EVC2: variants seen among roughly 807,000 people sequenced by gnomAD.
The protein encoded by EVC2 is EvC ciliary complex subunit 2.
A neutral mutation model predicts 149.3 loss-of-function variants in EVC2; 148 were observed. The observed-to-expected ratio is 0.99, with a 90% CI of 0.87 to 1.14. EVC2 has a LOEUF of 1.14. Ranked by LOEUF, EVC2 falls within the 50% of genes most tolerant of loss-of-function variation. EVC2 has a pLI of 0.00. For synonymous variants in EVC2, 776 were observed against 649.9 expected (o/e 1.19, Z -2.95); for missense variants, 1,854 against 1,627.3 (o/e 1.14, Z -2.40).
chr4:5,582,494 G>A (rs1380802644), intron 17 of EVC2, among the ~76,000 whole-genome samples: 1 of 152,168 alleles, frequency 6.6e-6, no homozygotes, highest in Non-Finnish European at 1.5e-5. Context: ...TTTACCCAGT[G>A]CCTATAACTC....
At chr4:5,535,686 T>C in the EVC2 span, among the ~76,000 whole-genome samples, 12 of 151,476 alleles carry the variant, frequency 7.9e-5, no homozygotes, top group East Asian at 1.2e-3. This position sits in a 1 kb window ranked among gnomAD's most constrained non-coding sequence, Gnocchi z 4.7. Flanking sequence ...AATCCCACCA[T>C]GGGGGCCCCA....
At position 5,633,921 on chromosome 4, in the gene EVC2, C is replaced by T. The variant is rs919695923; in HGVS notation, c.1471-1889G>A. ...TGACATGCTGATCTCTAGCTTTCTC[C>T]GTCTCTCCAGTCCCTTTTACTTATT... On this transcript the variant is annotated intron_variant, in intron 10 of 21. Transcript: ENST00000344408. This position sits in a 1 kb window ranked among gnomAD's most constrained non-coding sequence, Gnocchi z 4.4. Among the ~76,000 whole-genome samples, 3 of 152,332 alleles carry T rather than the reference C, an allele frequency of 2.0e-5. No individual in the cohort carries two copies. Among genetic ancestry groups the T allele is most frequent in the South Asian group, 2.1e-4 (1 of 4,822 alleles).
In EVC2 at chr4:5,632,001, G is replaced by A. The variant is rs1209098952; in HGVS notation, c.1502C>T (p.Thr501Ile). 6.2e-6 allele frequency: 10 copies of A among 1,614,082 alleles called. No individual in the cohort carries two copies. Among genetic ancestry groups the A allele is most frequent in the Non-Finnish European group, 8.5e-6 (10 of 1,180,046 alleles). ...SAVECSNLLR[T>I]LHGLEQEHLR... ...GTGCTCCTGTTCCAGGCCATGGAGG[G>A]TCCGCAGAAGGTTGCTGCACTCTAC... Residue 501 changes from threonine (T) to isoleucine (I), a missense_variant, in exon 11 of 22, where the codon ACC becomes ATC. Coordinates refer to ENST00000344408, the MANE Select transcript of EVC2 (RefSeq NM_147127.5).
chr4:5,566,718 G>C (rs6446375), intron 20 of EVC2, among the ~76,000 whole-genome samples: 141,729 of 152,098 alleles, frequency 0.93, 66,452 homozygotes, highest in Non-Finnish European at 0.99. Context: ...ACATTGACCT[G>C]AAGCCCTCTT....
At chr4:5,574,400 C>G (rs1722798065) in intron 19 of EVC2, among the ~76,000 whole-genome samples, 1 of 152,190 alleles carries the variant, frequency 6.6e-6, no homozygotes, top group South Asian at 2.1e-4. Flanking sequence ...GTATATTAAA[C>G]TTAGTTAAAG....
intron 9 of EVC2, among the ~76,000 whole-genome samples, chr4:5,648,105 T>A (rs1717858042): frequency 6.6e-6 from 1 of 152,214 alleles, no homozygotes; most frequent in African/African-American, 2.4e-5. Context: ...TGTGCAAAGA[T>A]CTAATCAGGT....
intron 17 of EVC2, among the ~76,000 whole-genome samples, chr4:5,581,320 G>A (rs183684017): frequency 2.0e-4 from 30 of 152,210 alleles, no homozygotes; most frequent in Middle Eastern, 3.4e-3. Context: ...AAAGATGAGG[G>A]AAAGTTTGGA....
upstream of EVC2, chr4:5,708,636 A>T: frequency 1.5e-6 from 1 of 658,532 alleles, no homozygotes; most frequent in Non-Finnish European, 2.3e-6. Context: ...GTTTTCTGGA[A>T]CAAACACCCG....
chr4:5,617,995 C>T (rs2108832373), intron 15 of EVC2, among the ~76,000 whole-genome samples: 1 of 152,276 alleles, frequency 6.6e-6, no homozygotes, highest in South Asian at 2.1e-4. Context: ...AATAGCTGCT[C>T]ATTAAAAGGC....
At position 5,625,613 on chromosome 4, in the gene EVC2, A is replaced by G; in HGVS notation, c.2046+136T>C. 8.9e-7 allele frequency: 1 copy of G among 1,125,792 alleles called. No homozygotes were observed. 69.7% of individuals were successfully genotyped at this position (1,125,792 alleles called of 1,614,324 possible). On this transcript the variant is annotated intron_variant, in intron 13 of 21. Coordinates refer to ENST00000344408, the MANE Select transcript of EVC2 (RefSeq NM_147127.5). The surrounding 1 kb of genome is among the most constrained non-coding windows in gnomAD (Gnocchi z 4.0). ...AAAAGTCGCTACCAATCAACAGTAG[A>G]TGGCACATCATGGTGCCTGCCCAGC... is the stretch of plus-strand genomic sequence containing the variant.
the EVC2 span, among the ~76,000 whole-genome samples, chr4:5,529,137 A>T: frequency 6.6e-6 from 1 of 151,900 alleles, no homozygotes; most frequent in Non-Finnish European, 1.5e-5. The surrounding 1 kb of genome is among the most constrained non-coding windows in gnomAD (Gnocchi z 4.5). Flanking sequence ...AATGGGGCAC[A>T]CTCCTCTCAG....
chr4:5,530,521 C>CTG, the EVC2 span, among the ~76,000 whole-genome samples: 89 of 134,726 alleles, frequency 6.6e-4, no homozygotes, highest in Non-Finnish European at 1.2e-3. Flanking sequence ...CACACAGTTA[C>CTG]CGCGTGTGTG....
At chr4:5,588,641 C>T (rs1712508464) in intron 16 of EVC2, among the ~76,000 whole-genome samples, 1 of 152,006 alleles carries the variant, frequency 6.6e-6, no homozygotes, top group East Asian at 1.9e-4. Context: ...AATGTCTAAT[C>T]TGCTGTTAAT....
chr4:5,630,765 AAC>A (rs1412152818), intron 11 of EVC2, among the ~76,000 whole-genome samples: 1 of 152,154 alleles, frequency 6.6e-6, no homozygotes, highest in Non-Finnish European at 1.5e-5. Context: ...CTGCTTGAGA[AAC>A]AGAGGTTGGC....
In EVC2 at chr4:5,625,669, A is replaced by G; in HGVS notation, c.2046+80T>C. On this transcript the variant is annotated intron_variant, in intron 13 of 21. Transcript: ENST00000344408. This position sits in a 1 kb window ranked among gnomAD's most constrained non-coding sequence, Gnocchi z 4.0. The stretch of plus-strand genomic sequence containing the variant: ...TTCTGATCCTAGTTCACCAATGGCA[A>G]TGTCTGGCACAGTACCTGGCACTTG... 6.3e-7 allele frequency: 1 copy of G among 1,580,766 alleles called. No individual in the cohort carries two copies. Among genetic ancestry groups the G allele is most frequent in the African/African-American group, 1.3e-5 (1 of 74,116 alleles).
Position 5,708,378 on chromosome 4 carries a change from G to A in EVC2, c.136C>T (p.Pro46Ser). ...GGAGCCACCTGGGGATCCCGGGGTG[G>A]CTGCGCGCCGAGGGGGCGCCAGCGG... ...RPRWRPLGAQ[P>S]PRDPQVAPRS... The change falls in exon 1 of 22, where the codon CCA becomes TCA. Residue 46 changes from proline (P) to serine (S), a missense_variant. Coordinates refer to ENST00000344408, the MANE Select transcript of EVC2 (RefSeq NM_147127.5). 6.7e-7 allele frequency: 1 copy of A among 1,494,092 alleles called. No individual in the cohort carries two copies. Among genetic ancestry groups the A allele is most frequent in the African/African-American group, 1.5e-5 (1 of 68,756 alleles). 92.6% of individuals were successfully genotyped at this position (1,494,092 alleles called of 1,614,324 possible). A position where few individuals can be genotyped will look rare whatever the true frequency, so the allele number is the denominator to read the frequency against.
intron 1 of EVC2, 46 bp downstream of exon 1, chr4:5,708,240 C>A: frequency 7.0e-7 from 1 of 1,434,282 alleles, no homozygotes; most frequent in South Asian, 1.4e-5. Context: ...TAGACAAAGT[C>A]AAACCACTAC....
chr4:5,558,904 G>C (rs1391056987), downstream of EVC2, among the ~76,000 whole-genome samples: 8 of 152,176 alleles, frequency 5.3e-5, no homozygotes, highest in African/African-American at 1.9e-4. Context: ...GGAATGGAGA[G>C]GAGAAGGGCC....
chr4:5,580,429 G>A (rs558723405), intron 17 of EVC2, among the ~76,000 whole-genome samples: 1 of 152,290 alleles, frequency 6.6e-6, no homozygotes, highest in East Asian at 1.9e-4. Context: ...GGATAAAATC[G>A]AAAATGTAAG....
Sources: allele counts gnomAD v4.1 joint callset (sites outside exome capture counted in the v4.1 genomes callset), GRCh38; gene constraint gnomAD v4.1.1; non-coding constraint Gnocchi (gnomAD v3.1); transcripts MANE v1.5; gene names NCBI Gene and HGNC (gene_info 2026-07-23, HGNC 2026-07-21).